Variants in ITFG1 observed in about 807,000 individuals in gnomAD.
The protein encoded by ITFG1 is T-cell immunomodulatory protein.
In ITFG1, 34 loss-of-function variants were observed where a neutral mutation model predicts 81.8. The observed-to-expected ratio is 0.42, with a 90% CI of 0.32 to 0.55. The LOEUF (loss-of-function observed/expected upper bound fraction) is 0.55. Among genes scored for constraint, ITFG1 ranks in the 20% least tolerant of loss-of-function variants. ITFG1 has a pLI of 0.17. For synonymous variants in ITFG1, 285 were observed against 270.6 expected (o/e 1.05, Z -0.52); for missense variants, 672 against 755.4 (o/e 0.89, Z 1.29).
chr16:47,405,358 A>G (rs1968715249), intron 6 of ITFG1, among the ~76,000 whole-genome samples: 1 of 152,156 alleles, frequency 6.6e-6, no homozygotes, highest in African/African-American at 2.4e-5. Flanking sequence ...CCAGGTGACC[A>G]CCTAGGGAGT....
At chr16:47,457,716 A>G (rs958849993) in intron 2 of ITFG1, among the ~76,000 whole-genome samples, 1 of 152,208 alleles carries the variant, frequency 6.6e-6, no homozygotes, top group African/African-American at 2.4e-5. Context: ...TAATAAAAAA[A>G]TTAATTGGGA....
At chr16:47,266,218 GT>G (rs1291795798) in intron 10 of ITFG1, among the ~76,000 whole-genome samples, 1 of 151,960 alleles carries the variant, frequency 6.6e-6, no homozygotes, top group Non-Finnish European at 1.5e-5. Context: ...TTTTTTGTTT[GT>G]TTGTTTTTGT....
intron 10 of ITFG1, among the ~76,000 whole-genome samples, chr16:47,293,079 T>C (rs1442943065): frequency 1.4e-5 from 2 of 147,742 alleles, no homozygotes. Context: ...TACATATATA[T>C]GTATGTGTAT....
intron 6 of ITFG1, among the ~76,000 whole-genome samples, chr16:47,421,879 C>T (rs181171973): frequency 1.5e-3 from 230 of 152,238 alleles, no homozygotes; most frequent in Non-Finnish European, 1.6e-3. Context: ...CGCCCCCTGT[C>T]CATGTGTTCT....
intron 10 of ITFG1, among the ~76,000 whole-genome samples, chr16:47,309,906 A>G (rs1967230236): frequency 6.6e-6 from 1 of 152,204 alleles, no homozygotes; most frequent in African/African-American, 2.4e-5. Context: ...TTAAAATGTA[A>G]TTTCTTATTC....
chr16:47,237,871 TG>T (rs1965893983), intron 13 of ITFG1, 93 bp downstream of exon 13: 1 of 643,414 alleles, frequency 1.6e-6, no homozygotes, highest in Non-Finnish European at 2.7e-6. Flanking sequence ...CAGATAATAA[TG>T]ATATTTGATA....
At chr16:47,262,947 T>C in intron 10 of ITFG1, 1 of 173,794 alleles carries the variant, frequency 5.8e-6, no homozygotes, top group Non-Finnish European at 1.3e-5. Context: ...CTGCAGTGGG[T>C]GCTTACATTG....
Position 47,209,999 on chromosome 16 carries a change from G to T in ITFG1, c.1453+8869C>A, listed in dbSNP as rs142314773. ...TTTAGGGCTATTATGAATACAGCTG[G>T]TATAAACACTCACGTGTAGATTTTT... On this transcript the variant is annotated intron_variant, in intron 14 of 17. Coordinates refer to ENST00000320640, the MANE Select transcript of ITFG1 (RefSeq NM_030790.5). Among the ~76,000 whole-genome samples, 105 of 152,228 alleles carry T rather than the reference G, an allele frequency of 6.9e-4. 3 individuals carry two copies. The East Asian group carries it at 0.017, about 25-fold the overall frequency.
intron 8 of ITFG1, among the ~76,000 whole-genome samples, chr16:47,344,207 A>G (rs1044533965): frequency 5.3e-5 from 8 of 152,238 alleles, no homozygotes; most frequent in African/African-American, 1.9e-4. Context: ...GATGCACAAC[A>G]GTGTGAATGT....
At chr16:47,401,076 C>A (rs117862065) in intron 6 of ITFG1, among the ~76,000 whole-genome samples, 1 of 152,004 alleles carries the variant, frequency 6.6e-6, no homozygotes, top group Non-Finnish European at 1.5e-5. Flanking sequence ...TACTTGCAGC[C>A]GAATCCAGAG....
intron 6 of ITFG1, among the ~76,000 whole-genome samples, chr16:47,419,170 A>T (rs977585947): frequency 1.3e-5 from 2 of 152,114 alleles, no homozygotes; most frequent in African/African-American, 2.4e-5. Context: ...GGTTTTAGAG[A>T]CAGAGTCTGT....
intron 8 of ITFG1, among the ~76,000 whole-genome samples, chr16:47,351,782 G>A (rs538871050): frequency 1.3e-5 from 2 of 152,234 alleles, no homozygotes; most frequent in South Asian, 4.2e-4. Context: ...GAAGAAAGGT[G>A]GAGGCATCAC....
rs546658905 is a variant in ITFG1, at chr16:47,447,123, C to T, written c.560+4273G>A. ...GCTCAGGTGATCCTCTTGCCTCATC[C>T]TCCCAAAGTGTTGGGATTACTGGCA... is the stretch of plus-strand genomic sequence containing the variant. On this transcript the variant is annotated intron_variant, in intron 5 of 17. Transcript: ENST00000320640. Among the ~76,000 whole-genome samples, 3 of 152,274 alleles carry T rather than the reference C, an allele frequency of 2.0e-5. No individual in the cohort carries two copies. The East Asian group carries it at 5.8e-4, about 29-fold the overall frequency.
chr16:47,205,674 G>A (rs1965484765), intron 14 of ITFG1, among the ~76,000 whole-genome samples: 1 of 152,130 alleles, frequency 6.6e-6, no homozygotes, highest in Admixed American at 6.5e-5. Flanking sequence ...CAGGATTGGA[G>A]CAACCAGTGA....
At chr16:47,307,157 GAAATTA>G (rs916756258) in intron 10 of ITFG1, among the ~76,000 whole-genome samples, 11 of 71,972 alleles carry the variant, frequency 1.5e-4, no homozygotes, top group Admixed American at 3.2e-4. Context: ...TCTGATGAAA[GAAATTA>G]AAAAGGCAAA....
intron 4 of ITFG1, among the ~76,000 whole-genome samples, chr16:47,452,271 C>G (rs923242282): frequency 6.6e-6 from 1 of 152,024 alleles, no homozygotes; most frequent in Non-Finnish European, 1.5e-5. Flanking sequence ...TTTGCAAATC[C>G]AAATTTACAT....
At chr16:47,307,545 G>A (rs1191312800) in intron 10 of ITFG1, among the ~76,000 whole-genome samples, 3 of 152,202 alleles carry the variant, frequency 2.0e-5, no homozygotes, top group African/African-American at 7.2e-5. Context: ...TTGGTTGAGT[G>A]AAGGCAAGCG....
chr16:47,211,211 T>C (rs1020872253), intron 14 of ITFG1, among the ~76,000 whole-genome samples: 2 of 152,334 alleles, frequency 1.3e-5, no homozygotes, highest in South Asian at 4.1e-4. Context: ...TGGCATTGCG[T>C]AGTTTTCAAC....
intron 11 of ITFG1, among the ~76,000 whole-genome samples, chr16:47,260,007 C>T (rs1032114773): frequency 5.3e-5 from 8 of 150,188 alleles, no homozygotes; most frequent in Non-Finnish European, 8.8e-5. Context: ...GGCGCAATCT[C>T]GGCTCACTGC....
Sources: gnomAD v4.1 joint callset for allele counts (sites outside exome capture counted in the v4.1 genomes callset) on GRCh38, gnomAD v4.1.1 for gene constraint, MANE v1.5 for transcripts, NCBI Gene and HGNC (gene_info 2026-07-23, HGNC 2026-07-21) for gene names.